Variants in PCCA observed in about 807,000 individuals in gnomAD.
PCCA encodes propionyl-CoA carboxylase subunit alpha.
In PCCA, 74 loss-of-function variants were observed where a neutral mutation model predicts 101.3. The ratio of observed to expected loss-of-function variants is 0.73; its 90% confidence interval spans 0.61 to 0.89. The LOEUF is 0.89. Ranked by LOEUF, PCCA falls within the 40% of genes least tolerant of loss-of-function variation. PCCA has a pLI of 0.00. For missense variants in PCCA, 891 were observed against 907.0 expected (o/e 0.98, Z 0.23); for synonymous variants, 294 against 313.6 (o/e 0.94, Z 0.66).
chr13:100,247,390 G>A (rs1447013131), intron 8 of PCCA, among the ~76,000 whole-genome samples: 2 of 148,192 alleles, frequency 1.3e-5, no homozygotes, highest in African/African-American at 2.5e-5. Flanking sequence ...CTAATTTTTT[G>A]TATTTTCAGT....
chr13:100,162,102 GTGTGTGTGTC>G (rs1365241984), intron 6 of PCCA, among the ~76,000 whole-genome samples: 2 of 151,828 alleles, frequency 1.3e-5, no homozygotes, highest in East Asian at 3.9e-4. Context: ...GTGTGTGTGT[GTGTGTGTGTC>G]TGTCTGTCTG....
intron 22 of PCCA, among the ~76,000 whole-genome samples, chr13:100,522,506 T>C (rs1385850412): frequency 6.6e-6 from 1 of 152,052 alleles, no homozygotes; most frequent in Non-Finnish European, 1.5e-5. Context: ...TGCTAGAGAG[T>C]GGGCTTCCTG....
chr13:100,401,559 T>A lies in PCCA; in HGVS notation c.1747-24074T>A, dbSNP rs191412503. ...GCCCAGCCAACTGTTTTTTTGTGTTTTTTTTATTTTTTTTTAATTGTATCT... is the reference window on the plus strand; with the variant it reads ...GCCCAGCCAACTGTTTTTTTGTGTTATTTTTATTTTTTTTTAATTGTATCT... On this transcript the variant is annotated intron_variant, in intron 19 of 23. Coordinates refer to ENST00000376285, the MANE Select transcript of PCCA (RefSeq NM_000282.4). Among the ~76,000 whole-genome samples the A allele has an allele frequency of 4.4e-3, 673 of 152,208 alleles. 3 individuals are homozygous for A. Among genetic ancestry groups the A allele is most frequent in the African/African-American group, 0.015 (629 of 41,544 alleles).
intron 12 of PCCA, among the ~76,000 whole-genome samples, chr13:100,286,218 T>G (rs1435186420): frequency 6.6e-6 from 1 of 152,216 alleles, no homozygotes; most frequent in East Asian, 1.9e-4. Flanking sequence ...AATAAAATTT[T>G]CTTTTTAATT....
At chr13:100,340,123 T>C (rs2071076980) in intron 17 of PCCA, 34 bp from the exon 18 acceptor site, 5 of 1,062,208 alleles carry the variant, frequency 4.7e-6, no homozygotes, top group Non-Finnish European at 7.4e-6. Flanking sequence ...AAATAAATGA[T>C]TGATTGATTG....
chr13:100,454,326 A>G (rs2081561671), intron 21 of PCCA, among the ~76,000 whole-genome samples: 1 of 152,202 alleles, frequency 6.6e-6, no homozygotes, highest in Admixed American at 6.5e-5. Context: ...TTTCTAGAGT[A>G]ATTTCTAATT....
intron 6 of PCCA, 86 bp downstream of exon 6, chr13:100,157,426 G>C: frequency 1.1e-6 from 1 of 899,472 alleles, no homozygotes. Flanking sequence ...GGTAGTGATG[G>C]ATTATAGAAT....
intron 16 of PCCA, among the ~76,000 whole-genome samples, chr13:100,322,699 T>C (rs1475805939): frequency 6.6e-6 from 1 of 152,072 alleles, no homozygotes; most frequent in African/African-American, 2.4e-5. Flanking sequence ...GCCTCCCAAG[T>C]ACCTGGGACT....
intron 6 of PCCA, among the ~76,000 whole-genome samples, chr13:100,178,927 A>G (rs2056501292): frequency 6.6e-6 from 1 of 151,346 alleles, no homozygotes; most frequent in African/African-American, 2.4e-5. Flanking sequence ...AATACAAAAT[A>G]TTAGCTGGGC....
intron 6 of PCCA, among the ~76,000 whole-genome samples, chr13:100,160,230 C>T (rs2054307260): frequency 6.6e-6 from 1 of 152,066 alleles, no homozygotes; most frequent in Admixed American, 6.5e-5. Flanking sequence ...GGGCCGGGCG[C>T]GGTGGCTCAT....
chr13:100,469,108 G>C lies in PCCA; in HGVS notation c.1899+19803G>C, dbSNP rs377105755. On this transcript the variant is annotated intron_variant, in intron 21 of 23. Transcript: ENST00000376285. ...TTCCTGTAATCCCAGCTACTAGGGA[G>C]GCTGAGGCAGGAGAATCGCTTGAAC... Among the ~76,000 whole-genome samples, 7 of 151,044 alleles carry C rather than the reference G, an allele frequency of 4.6e-5. No homozygotes were observed. The East Asian group carries it at 1.2e-3, about 25-fold the overall frequency.
At chr13:100,412,327 A>G (rs2078105090) in intron 19 of PCCA, among the ~76,000 whole-genome samples, 1 of 152,188 alleles carries the variant, frequency 6.6e-6, no homozygotes, top group Admixed American at 6.5e-5. Context: ...GGGACATCAT[A>G]AAATGTATTC....
chr13:100,201,857 C>CAAA lies in PCCA; in HGVS notation c.469-7446_469-7444dup, dbSNP rs55669622. The stretch of plus-strand genomic sequence containing the variant: ...GGGCAACAAGACTGAAACTGCGTCT[C>CAAA]AAAAAAAAAAAAAAAAAAAAAAAAA... On this transcript the variant is annotated intron_variant, in intron 6 of 23. Transcript: ENST00000376285. 2.3e-3 allele frequency among the ~76,000 whole-genome samples: 141 copies of CAAA among 60,728 alleles called. 4 individuals carry two copies. Among genetic ancestry groups the CAAA allele is most frequent in the East Asian group, 3.4e-3 (6 of 1,770 alleles). The allele number at this position is 60,728 out of a possible 152,430, so 39.8% of individuals were successfully genotyped here. A position where few individuals can be genotyped will look rare whatever the true frequency, so the allele number is the denominator to read the frequency against.
intron 21 of PCCA, among the ~76,000 whole-genome samples, chr13:100,453,383 C>A (rs1434275274): frequency 2.0e-5 from 3 of 151,834 alleles, no homozygotes; most frequent in African/African-American, 7.3e-5. Flanking sequence ...AGCCTGCGAT[C>A]CCAGCTACTA....
intron 9 of PCCA, among the ~76,000 whole-genome samples, chr13:100,257,898 TAAC>T (rs2062184724): frequency 6.6e-6 from 1 of 152,180 alleles, no homozygotes; most frequent in African/African-American, 2.4e-5. Flanking sequence ...TTTTAAACAT[TAAC>T]AAAGGATTTT....
chr13:100,433,143 A>T (rs951800065), intron 20 of PCCA, among the ~76,000 whole-genome samples: 1 of 152,248 alleles, frequency 6.6e-6, no homozygotes, highest in Non-Finnish European at 1.5e-5. Flanking sequence ...TCTTTTGGGC[A>T]TATGCCCAGA....
chr13:100,259,675 G>A (rs1014787133), intron 9 of PCCA, among the ~76,000 whole-genome samples: 2 of 152,040 alleles, frequency 1.3e-5, no homozygotes, highest in African/African-American at 4.8e-5. Flanking sequence ...GAAGATTGTT[G>A]AAGGTTCACT....
intron 18 of PCCA, among the ~76,000 whole-genome samples, chr13:100,349,612 C>T (rs2073011449): frequency 6.6e-6 from 1 of 152,200 alleles, no homozygotes. Flanking sequence ...GGTATTTGAG[C>T]AGGGGTTAAA....
intron 21 of PCCA, among the ~76,000 whole-genome samples, chr13:100,465,045 G>T (rs1456969253): frequency 6.6e-6 from 1 of 152,160 alleles, no homozygotes; most frequent in African/African-American, 2.4e-5. Flanking sequence ...TGAGAAGGAA[G>T]TGGGAATGGC....
Sources: allele counts gnomAD v4.1 joint callset (sites outside exome capture counted in the v4.1 genomes callset), GRCh38; gene constraint gnomAD v4.1.1; transcripts MANE v1.5; gene names NCBI Gene and HGNC (gene_info 2026-07-23, HGNC 2026-07-21).